The following UMAD1 variants were observed in gnomAD, a reference collection of about 807,000 sequenced individuals.
UMAD1 encodes UBAP1-MVB12-associated (UMA)-domain containing protein 1.
UMAD1 carries 8 observed loss-of-function variants against 6.1 expected under a neutral mutation model. The ratio of observed to expected loss-of-function variants is 1.30; its 90% CI spans 0.76 to 2.35. The LOEUF is 2.35. Among genes scored for constraint, UMAD1 ranks in the 30% most tolerant of loss-of-function variants. The pLI, the probability that UMAD1 is intolerant of heterozygous loss-of-function variation, is 0.00. For missense variants in UMAD1, 130 were observed against 78.4 expected (o/e 1.66, Z -2.49); for synonymous variants, 56 against 31.4 (o/e 1.78, Z -2.61).
intron 3 of UMAD1, among the ~76,000 whole-genome samples, chr7:7,850,067 A>G (rs562347001): frequency 1.3e-5 from 2 of 152,232 alleles, no homozygotes; most frequent in East Asian, 3.9e-4. Context: ...CTGTACAACT[A>G]CTCTAGAGAC....
chr7:7,658,989 T>A (rs1785410544), intron 1 of UMAD1, among the ~76,000 whole-genome samples: 1 of 152,178 alleles, frequency 6.6e-6, no homozygotes, highest in African/African-American at 2.4e-5. Context: ...CAGAACTTGT[T>A]ATTGGTCTAT....
intron 2 of UMAD1, among the ~76,000 whole-genome samples, chr7:7,696,138 T>C (rs1190794436): frequency 6.6e-6 from 1 of 151,988 alleles, no homozygotes; most frequent in Non-Finnish European, 1.5e-5. Context: ...CCTGAGTAGC[T>C]GGGACTACAG....
intron 2 of UMAD1, among the ~76,000 whole-genome samples, chr7:7,686,716 C>T (rs1434631356): frequency 6.6e-6 from 1 of 152,212 alleles, no homozygotes; most frequent in African/African-American, 2.4e-5. Flanking sequence ...GGGGCAGACA[C>T]TACTAGTCCC....
At position 7,814,645 on chromosome 7, in the gene UMAD1, G is replaced by A. The variant is rs1473587266; in HGVS notation, c.156+12902G>A. On this transcript the variant is annotated intron_variant, in intron 3 of 3. Transcript: ENST00000682710. ...TCTACAAAATATATTTATATTTAGAGTGTACTTTTTATTTTAATAGGTTGT... is the reference window on the plus strand; with the variant it reads ...TCTACAAAATATATTTATATTTAGAATGTACTTTTTATTTTAATAGGTTGT... 3.6e-5 allele frequency among the ~76,000 whole-genome samples: 5 copies of A among 138,266 alleles called. No homozygotes were observed. In the East Asian group the frequency reaches 9.8e-4, roughly 27 times the overall value. The allele number at this position is 138,266 out of a possible 152,430, so 90.7% of individuals were successfully genotyped here.
chr7:7,804,757 G>A (rs921374854), intron 3 of UMAD1, among the ~76,000 whole-genome samples: 7 of 152,198 alleles, frequency 4.6e-5, no homozygotes, highest in Non-Finnish European at 8.8e-5. Flanking sequence ...TGAGGCAGCC[G>A]GATCATGAGG....
chr7:7,668,083 AT>A (rs1318192208), intron 1 of UMAD1, among the ~76,000 whole-genome samples: 33 of 147,114 alleles, frequency 2.2e-4, no homozygotes, highest in African/African-American at 1.5e-4. Context: ...CAGCTGGCTA[AT>A]TTTTTTTTTT....
At chr7:7,789,400 A>G (rs1782521315) in intron 2 of UMAD1, among the ~76,000 whole-genome samples, 1 of 152,246 alleles carries the variant, frequency 6.6e-6, no homozygotes, top group African/African-American at 2.4e-5. Context: ...TTAGAACAAA[A>G]CTAAAATTGA....
intron 2 of UMAD1, among the ~76,000 whole-genome samples, chr7:7,711,068 C>A (rs1269893535): frequency 6.6e-6 from 1 of 152,074 alleles, no homozygotes; most frequent in Non-Finnish European, 1.5e-5. Flanking sequence ...GTGTGTGTGG[C>A]TATAGAAGGA....
intron 2 of UMAD1, among the ~76,000 whole-genome samples, chr7:7,728,386 C>A (rs954365052): frequency 2.6e-5 from 4 of 152,122 alleles, no homozygotes; most frequent in African/African-American, 9.7e-5. Context: ...TGGCTCACAC[C>A]TGTAATCCCA....
intron 1 of UMAD1, among the ~76,000 whole-genome samples, chr7:7,665,381 C>T (rs1779417908): frequency 6.6e-6 from 1 of 152,154 alleles, no homozygotes; most frequent in Non-Finnish European, 1.5e-5. Flanking sequence ...TTGTGTGATG[C>T]ATGCAGAAAA....
intron 3 of UMAD1, among the ~76,000 whole-genome samples, chr7:7,854,653 T>G (rs1294148456): frequency 6.6e-6 from 1 of 152,122 alleles, no homozygotes; most frequent in Non-Finnish European, 1.5e-5. Flanking sequence ...AGATGAGATT[T>G]GGGTGGGGAC....
intron 2 of UMAD1, among the ~76,000 whole-genome samples, chr7:7,778,235 TG>T (rs1222234898): frequency 4.6e-5 from 2 of 43,198 alleles, no homozygotes; most frequent in African/African-American, 1.4e-4. Flanking sequence ...TTTGTGTGTG[TG>T]TGTGTGTGTG....
intron 2 of UMAD1, among the ~76,000 whole-genome samples, chr7:7,794,390 C>A (rs1024635506): frequency 6.6e-6 from 1 of 152,098 alleles, no homozygotes; most frequent in African/African-American, 2.4e-5. Flanking sequence ...TGGCTTATAA[C>A]AGGGAGCAAA....
At chr7:7,648,855 A>AAAAG (rs1257532129) in intron 1 of UMAD1, among the ~76,000 whole-genome samples, 6 of 151,118 alleles carry the variant, frequency 4.0e-5, no homozygotes, top group East Asian at 3.9e-4. Flanking sequence ...CCTGTCTCAA[A>AAAAG]AAAGAAAGAA....
intron 1 of UMAD1, among the ~76,000 whole-genome samples, chr7:7,671,196 T>C (rs1056229148): frequency 1.3e-5 from 2 of 152,262 alleles, no homozygotes; most frequent in African/African-American, 2.4e-5. Context: ...TACTTAACTT[T>C]AGTCAGCTTC....
chr7:7,693,040 T>C (rs1027081249), intron 2 of UMAD1, among the ~76,000 whole-genome samples: 4 of 152,200 alleles, frequency 2.6e-5, no homozygotes, highest in African/African-American at 9.7e-5. Flanking sequence ...ATCTTTTTTC[T>C]TCCTGTTGAT....
intron 3 of UMAD1, among the ~76,000 whole-genome samples, chr7:7,813,929 T>C (rs947112865): frequency 1.3e-5 from 2 of 152,202 alleles, no homozygotes; most frequent in African/African-American, 2.4e-5. Context: ...GTCAACTACA[T>C]TAGATAGTTT....
chr7:7,702,785 T>TTTGTTGTTG (rs148600831), intron 2 of UMAD1, among the ~76,000 whole-genome samples: 2 of 150,346 alleles, frequency 1.3e-5, no homozygotes, highest in Non-Finnish European at 3.0e-5. Flanking sequence ...GGCCTGGGTT[T>TTTGTTGTTG]TTGTTGTTGT....
At chr7:7,752,738 CATT>C (rs1170499326) in intron 2 of UMAD1, among the ~76,000 whole-genome samples, 1 of 151,924 alleles carries the variant, frequency 6.6e-6, no homozygotes, top group African/African-American at 2.4e-5. Context: ...TAGAAAAAAG[CATT>C]ATAGAGGTTT....
Sources: gnomAD v4.1 joint callset for allele counts (sites outside exome capture counted in the v4.1 genomes callset) on GRCh38, gnomAD v4.1.1 for gene constraint, MANE v1.5 for transcripts, NCBI Gene and HGNC (gene_info 2026-07-23, HGNC 2026-07-21) for gene names.